Variants in RFTN2 observed in about 807,000 individuals in gnomAD.
RFTN2 encodes the protein raftlin family member 2.
Under a neutral mutation model 52.7 loss-of-function variants are expected in RFTN2, and 34 were observed. The ratio of observed to expected loss-of-function variants is 0.64; its 90% CI spans 0.49 to 0.86. RFTN2 has a LOEUF of 0.86. Ranked by LOEUF, RFTN2 falls within the 40% of genes least tolerant of loss-of-function variation. The pLI, the probability that RFTN2 is intolerant of heterozygous loss-of-function variation, is 0.00. For missense variants in RFTN2, 536 were observed against 600.1 expected (o/e 0.89, Z 1.12); for synonymous variants, 203 against 217.7 (o/e 0.93, Z 0.59).
At chr2:197,575,132 T>C (rs2087391085) in intron 8 of RFTN2, among the ~76,000 whole-genome samples, 1 of 152,166 alleles carries the variant, frequency 6.6e-6, no homozygotes, top group African/African-American at 2.4e-5. Flanking sequence ...TGAATAAGTC[T>C]CATTAGATCT....
intron 8 of RFTN2, among the ~76,000 whole-genome samples, chr2:197,590,129 T>C (rs1437602908): frequency 6.6e-6 from 1 of 151,534 alleles, no homozygotes; most frequent in African/African-American, 2.4e-5. Context: ...GGTCTCACAC[T>C]CCTGGATTCA....
intron 3 of RFTN2, among the ~76,000 whole-genome samples, chr2:197,641,207 G>A (rs1037196785): frequency 2.0e-5 from 3 of 152,222 alleles, no homozygotes; most frequent in Non-Finnish European, 4.4e-5. Flanking sequence ...GCAATGCCCA[G>A]TCAATGGGGG....
At chr2:197,590,481 A>G (rs1413252705) in intron 8 of RFTN2, among the ~76,000 whole-genome samples, 2 of 152,212 alleles carry the variant, frequency 1.3e-5, no homozygotes, top group African/African-American at 4.8e-5. Flanking sequence ...CGCTTTCTTC[A>G]TTGTGCAATC....
intron 3 of RFTN2, among the ~76,000 whole-genome samples, chr2:197,640,977 A>C (rs1197240608): frequency 6.6e-6 from 1 of 152,176 alleles, no homozygotes; most frequent in East Asian, 1.9e-4. Flanking sequence ...AGTGTTTTCT[A>C]CTCATAGGTG....
At chr2:197,630,686 C>T (rs1472519766) in intron 5 of RFTN2, among the ~76,000 whole-genome samples, 1 of 152,106 alleles carries the variant, frequency 6.6e-6, no homozygotes, top group East Asian at 1.9e-4. Context: ...ACACGAAATG[C>T]CATCATAAAC....
chr2:197,616,480 T>TG (rs2088148117), intron 6 of RFTN2, among the ~76,000 whole-genome samples: 1 of 151,752 alleles, frequency 6.6e-6, no homozygotes, highest in Non-Finnish European at 1.5e-5. Context: ...TTTGTAGAGA[T>TG]GGGGTCTCAC....
chr2:197,609,040 G>A (rs1161089645), intron 7 of RFTN2, among the ~76,000 whole-genome samples: 1 of 152,044 alleles, frequency 6.6e-6, no homozygotes, highest in African/African-American at 2.4e-5. Flanking sequence ...TCATTAATGG[G>A]CATTTGGGTT....
At chr2:197,572,973 C>T (rs1241942963) in intron 8 of RFTN2, among the ~76,000 whole-genome samples, 1 of 152,164 alleles carries the variant, frequency 6.6e-6, no homozygotes. Flanking sequence ...TCTGCCATGA[C>T]TGTGAGGCCT....
intron 7 of RFTN2, among the ~76,000 whole-genome samples, chr2:197,596,337 A>C (rs938409859): frequency 2.6e-5 from 4 of 152,190 alleles, no homozygotes; most frequent in African/African-American, 7.2e-5. Flanking sequence ...GACACTTGTA[A>C]TCTCACCAAG....
intron 1 of RFTN2, among the ~76,000 whole-genome samples, chr2:197,660,515 A>G (rs1476690111): frequency 6.6e-6 from 1 of 152,074 alleles, no homozygotes; most frequent in Non-Finnish European, 1.5e-5. Flanking sequence ...CAATCATAGA[A>G]TGTGTAATAA....
At chr2:197,671,419 G>A (rs920651691) in intron 1 of RFTN2, among the ~76,000 whole-genome samples, 3 of 152,196 alleles carry the variant, frequency 2.0e-5, no homozygotes, top group Admixed American at 6.5e-5. Flanking sequence ...TCCTCCACAT[G>A]TACCTTGTAT....
At chr2:197,621,874 A>G (rs1341870843) in intron 5 of RFTN2, among the ~76,000 whole-genome samples, 1 of 152,242 alleles carries the variant, frequency 6.6e-6, no homozygotes, top group Non-Finnish European at 1.5e-5. Flanking sequence ...AAGCTGAGAC[A>G]GGCGGTAAAC....
At chr2:197,593,605 G>C (rs555211004) in intron 8 of RFTN2, among the ~76,000 whole-genome samples, 1 of 152,046 alleles carries the variant, frequency 6.6e-6, no homozygotes, top group South Asian at 2.1e-4. Context: ...AAGAAAGAAA[G>C]AGGCCAGGTG....
intron 8 of RFTN2, chr2:197,588,003 C>T: frequency 6.4e-6 from 3 of 470,904 alleles, no homozygotes; most frequent in Non-Finnish European, 1.3e-5. Flanking sequence ...TTATTCTTTT[C>T]ACACTGTCTT....
intron 5 of RFTN2, among the ~76,000 whole-genome samples, chr2:197,619,354 A>G (rs999495834): frequency 6.6e-5 from 10 of 152,162 alleles, no homozygotes; most frequent in Non-Finnish European, 1.2e-4. Flanking sequence ...GTGTCTGTGT[A>G]GAAAGAGGTA....
rs1055724219 is a variant in RFTN2, at chr2:197,609,102, G to A, written c.1154+6774C>T. 3.9e-5 allele frequency among the ~76,000 whole-genome samples: 6 copies of A among 152,076 alleles called. No homozygotes were observed. In the East Asian group the frequency reaches 5.8e-4, roughly 15 times the overall value. ...AGTGCCACAATAAACATATGTGTGC[G>A]TGTGTCTTTATAGTAGTATGATTTA... On this transcript the variant is annotated intron_variant, in intron 7 of 8. Transcript: ENST00000295049.
In RFTN2 at chr2:197,633,709, G is replaced by C; in HGVS notation, c.718+9C>G. On this transcript the variant is annotated intron_variant, in intron 4 of 8. Coordinates refer to ENST00000295049, the MANE Select transcript of RFTN2 (RefSeq NM_144629.3). ...AGTATATTCTCTTTCTACTAATCTTGTCTATTACCTTCTCCCTTTCTTGAT... is the reference window on the plus strand; with the variant it reads ...AGTATATTCTCTTTCTACTAATCTTCTCTATTACCTTCTCCCTTTCTTGAT... The C allele has an allele frequency of 6.2e-7, 1 of 1,609,556 alleles. No homozygotes were observed. Among genetic ancestry groups the C allele is most frequent in the Non-Finnish European group, 8.5e-7 (1 of 1,176,862 alleles).
intron 5 of RFTN2, among the ~76,000 whole-genome samples, chr2:197,622,072 T>G (rs2106219708): frequency 6.6e-6 from 1 of 152,310 alleles, no homozygotes; most frequent in South Asian, 2.1e-4. Context: ...CAGAGCAAGA[T>G]CCTAACTCTC....
chr2:197,574,895 A>AAACC, intron 8 of RFTN2, among the ~76,000 whole-genome samples: 1 of 152,108 alleles, frequency 6.6e-6, no homozygotes, highest in African/African-American at 2.4e-5. Context: ...ACAAACAAAC[A>AAACC]AACAAAAAAC....
Sources: gnomAD v4.1 joint callset for allele counts (sites outside exome capture counted in the v4.1 genomes callset) on GRCh38, gnomAD v4.1.1 for gene constraint, MANE v1.5 for transcripts, NCBI Gene and HGNC (gene_info 2026-07-23, HGNC 2026-07-21) for gene names.